USP28: variants seen among roughly 807,000 people sequenced by gnomAD.
USP28 encodes the protein ubiquitin specific peptidase 28.
In USP28, 113 loss-of-function variants were observed where a neutral mutation model predicts 145.0. The ratio of observed to expected loss-of-function variants is 0.78; its 90% CI spans 0.67 to 0.91. USP28 has a LOEUF of 0.91. USP28 is among the 40% of genes least tolerant of loss of function. The pLI is 0.00. For missense variants in USP28, 1,201 were observed against 1,289.6 expected, an observed-to-expected ratio of 0.93 and a Z score of 1.05; for synonymous variants, 447 against 450.9, an observed-to-expected ratio of 0.99 and a Z score of 0.11.
At chr11:113,808,095 T>C in intron 18 of USP28, 1 of 1,464,088 alleles carries the variant, frequency 6.8e-7, no homozygotes, top group Non-Finnish European at 9.0e-7. Flanking sequence ...CTGCAAGGTT[T>C]GTTTCCTGGG....
chr11:113,862,261 G>A (rs938566497), intron 1 of USP28, among the ~76,000 whole-genome samples: 20 of 152,142 alleles, frequency 1.3e-4, no homozygotes, highest in Admixed American at 1.1e-3. Flanking sequence ...GCAGGAGAAT[G>A]GCTTGAACCC....
intron 14 of USP28, among the ~76,000 whole-genome samples, chr11:113,814,745 C>T (rs369805148): frequency 4.1e-4 from 62 of 152,116 alleles, no homozygotes; most frequent in Admixed American, 1.2e-3. Flanking sequence ...TCACAATTAC[C>T]ATGTCAAAAT....
At chr11:113,867,068 A>G (rs1170041655) in intron 1 of USP28, among the ~76,000 whole-genome samples, 2 of 152,250 alleles carry the variant, frequency 1.3e-5, no homozygotes, top group South Asian at 2.1e-4. Context: ...ATCCATTTAC[A>G]TGAAATCTCT....
intron 1 of USP28, 123 bp downstream of exon 1, chr11:113,875,322 C>T (rs1332221644): frequency 1.2e-6 from 1 of 801,900 alleles, no homozygotes; most frequent in Non-Finnish European, 1.6e-6. Context: ...GGCGGGCGCA[C>T]CCCCTGTCCC....
chr11:113,816,815 A>T (rs1461598542), intron 13 of USP28, among the ~76,000 whole-genome samples: 1 of 152,210 alleles, frequency 6.6e-6, no homozygotes, highest in African/African-American at 2.4e-5. Flanking sequence ...TACAAAAATT[A>T]AAAAATTTAA....
chr11:113,860,547 C>A (rs1258910619), intron 1 of USP28, among the ~76,000 whole-genome samples: 1 of 152,052 alleles, frequency 6.6e-6, no homozygotes, highest in African/African-American at 2.4e-5. Flanking sequence ...TGCAGTGGCT[C>A]ATGTCTGTGA....
intron 23 of USP28, among the ~76,000 whole-genome samples, chr11:113,802,411 G>A (rs1015963444): frequency 2.6e-5 from 4 of 152,174 alleles, no homozygotes; most frequent in Non-Finnish European, 2.9e-5. Context: ...GTATGAACAA[G>A]GTAAAGGCAG....
At chr11:113,824,100 T>A (rs1438595589) in intron 11 of USP28, among the ~76,000 whole-genome samples, 1 of 151,194 alleles carries the variant, frequency 6.6e-6, no homozygotes, top group Non-Finnish European at 1.5e-5. Context: ...AAAATCAATT[T>A]AAAAAAAGAA....
intron 14 of USP28, among the ~76,000 whole-genome samples, 154 bp from the exon 15 acceptor site, chr11:113,814,109 G>A (rs547217995): frequency 2.8e-4 from 42 of 152,328 alleles, no homozygotes; most frequent in Admixed American, 2.0e-3. Flanking sequence ...AAAGCAGCTA[G>A]TACTTTAGGT....
chr11:113,811,911 A>T (rs1941049388), intron 16 of USP28, among the ~76,000 whole-genome samples: 1 of 152,196 alleles, frequency 6.6e-6, no homozygotes, highest in South Asian at 2.1e-4. Flanking sequence ...AAAAATATAG[A>T]GATTGCTAAA....
At chr11:113,860,830 A>C (rs909787579) in intron 1 of USP28, among the ~76,000 whole-genome samples, 1 of 151,512 alleles carries the variant, frequency 6.6e-6, no homozygotes, top group Non-Finnish European at 1.5e-5. Flanking sequence ...AAAAAAAAAA[A>C]AATAAGGGCC....
chr11:113,824,159 G>A (rs1943028528), intron 11 of USP28, among the ~76,000 whole-genome samples: 1 of 152,034 alleles, frequency 6.6e-6, no homozygotes, highest in Non-Finnish European at 1.5e-5. Context: ...AATGAAAAAT[G>A]AAATTAAAAG....
chr11:113,867,443 T>G (rs1161711735), intron 1 of USP28, among the ~76,000 whole-genome samples: 2 of 152,070 alleles, frequency 1.3e-5, no homozygotes, highest in Non-Finnish European at 2.9e-5. Context: ...ATTTTTATAT[T>G]TTTTAGTAGA....
rs1946783676 is a variant in USP28 at position 113,854,132 on chromosome 11, TTGAC to T, written c.135+122_135+125del. On this transcript the variant is annotated intron_variant, in intron 2 of 24. Transcript: ENST00000003302. ...ATGTTGAAGACATTGGGTCAGTCAT[TTGAC>T]CTGTAGAGCTTCTGTCCCTATATGT... 3 of 827,842 alleles carry T rather than the reference TTGAC, an allele frequency of 3.6e-6. No homozygotes were observed. The African/African-American group carries it at 5.2e-5, about 14-fold the overall frequency. The allele number at this position is 827,842 out of a possible 1,614,324, so 51.3% of individuals were successfully genotyped here.
intron 3 of USP28, among the ~76,000 whole-genome samples, chr11:113,850,781 C>A (rs988960498): frequency 6.6e-6 from 1 of 152,158 alleles, no homozygotes; most frequent in Non-Finnish European, 1.5e-5. Context: ...TTGGAGAGCT[C>A]CTCAGTCTCA....
chr11:113,845,960 T>C (rs540766470), intron 3 of USP28, among the ~76,000 whole-genome samples: 2 of 152,302 alleles, frequency 1.3e-5, no homozygotes, highest in South Asian at 2.1e-4. Context: ...ACAACCCAAA[T>C]GTCCATTAAT....
chr11:113,803,090 A>C lies in USP28; in HGVS notation c.2862+68T>G, dbSNP rs1275050185. ...AGATAGTCTGTTTTGAAAGCCATATATTTTCCTGGCTTCAAGGAGCAGAGG... is the reference window on the plus strand; with the variant it reads ...AGATAGTCTGTTTTGAAAGCCATATCTTTTCCTGGCTTCAAGGAGCAGAGG... On this transcript the variant is annotated intron_variant, in intron 23 of 24. Transcript: ENST00000003302. The C allele has an allele frequency of 2.0e-6, 3 of 1,477,024 alleles. No homozygotes were observed. In the East Asian group the frequency reaches 7.4e-5, roughly 36 times the overall value. 91.5% of individuals were successfully genotyped at this position (1,477,024 alleles called of 1,614,324 possible).
At chr11:113,853,590 C>A (rs1442786651) in intron 2 of USP28, among the ~76,000 whole-genome samples, 1 of 152,046 alleles carries the variant, frequency 6.6e-6, no homozygotes, top group East Asian at 1.9e-4. Context: ...AAATATAACC[C>A]ATGGCCCGGC....
At position 113,834,245 on chromosome 11, in the gene USP28, T is replaced by G; in HGVS notation, c.621+4A>C. 1.2e-6 allele frequency: 2 copies of G among 1,607,380 alleles called. No individual in the cohort carries two copies. Among genetic ancestry groups the G allele is most frequent in the Admixed American group, 1.7e-5 (1 of 59,242 alleles). On this transcript the variant is annotated splice_donor_region_variant and intron_variant, in intron 6 of 24. Coordinates refer to ENST00000003302, the Ensembl canonical transcript of USP28. ...AGTGAAGAAATTCCTTGACACCAACTTACTGTATGACTTCGACAATTTTCA... is the reference window on the plus strand; with the variant it reads ...AGTGAAGAAATTCCTTGACACCAACGTACTGTATGACTTCGACAATTTTCA...
Sources: allele counts gnomAD v4.1 joint callset (sites outside exome capture counted in the v4.1 genomes callset), GRCh38; gene constraint gnomAD v4.1.1; transcripts MANE v1.5; gene names NCBI Gene and HGNC (gene_info 2026-07-23, HGNC 2026-07-21).